CMC2: variants seen among roughly 807,000 people sequenced by gnomAD.
The protein encoded by CMC2 is C-X9-C motif containing 2, also known as COX assembly mitochondrial protein 2 homolog.
A neutral mutation model predicts 7.5 loss-of-function variants in CMC2; 5 were observed. That is an observed-to-expected ratio of 0.66 (90% confidence interval 0.35 to 1.40). CMC2 has a LOEUF of 1.40. CMC2 is among the 40% of genes most tolerant of loss of function. The pLI is 0.04. For missense variants in CMC2, 115 were observed against 92.3 expected, an observed-to-expected ratio of 1.25 and a Z score of -1.01; for synonymous variants, 37 against 31.4, an observed-to-expected ratio of 1.18 and a Z score of -0.60.
rs1322385859 is a variant in CMC2, at chr16:80,966,798, C to G, written c.*9295G>C. 6.6e-6 allele frequency: 1 copy of G among 152,044 alleles called. No individual in the cohort carries two copies. Among genetic ancestry groups the G allele is most frequent in the Admixed American group, 6.6e-5 (1 of 15,252 alleles). 9.4% of individuals were successfully genotyped at this position (152,044 alleles called of 1,614,324 possible). A position where few individuals can be genotyped will look rare whatever the true frequency, so the allele number is the denominator to read the frequency against. On this transcript the variant is annotated 3_prime_UTR_variant, in exon 4 of 4. Coordinates refer to ENST00000219400, the MANE Select transcript of CMC2 (RefSeq NM_020188.5). ...TCAAGTTTTAGGAATTTCTTCTTTT[C>G]TTTATATAATCACCATATAGTCATA... is the stretch of plus-strand genomic sequence containing the variant.
At position 80,971,350 on chromosome 16, in the gene CMC2, T is replaced by TA. The variant is rs1170638868; in HGVS notation, c.*4742dup. On this transcript the variant is annotated 3_prime_UTR_variant, in exon 4 of 4. Transcript: ENST00000219400. ...AAGACTGGATATCTAAGTGACCATCTACGGGGAAATACATAAACCGTGGTA... is the reference window on the plus strand; with the variant it reads ...AAGACTGGATATCTAAGTGACCATCTAACGGGGAAATACATAAACCGTGGTA... The TA allele has an allele frequency of 5.3e-5, 8 of 151,836 alleles. No individual in the cohort carries two copies. The highest frequency in any genetic ancestry group is 2.0e-4 in the Admixed American group (3 of 15,232). The allele number at this position is 151,836 out of a possible 1,614,324, so 9.4% of individuals were successfully genotyped here.
chr16:80,980,277 G>A (rs143388380), intron 3 of CMC2, among the ~76,000 whole-genome samples: 78 of 150,066 alleles, frequency 5.2e-4, no homozygotes, highest in African/African-American at 1.9e-3. Flanking sequence ...TCATATAAAG[G>A]ACAAACATTT....
rs901628590 is a variant in CMC2, at chr16:81,006,884, T to C, written c.-186A>G. The C allele has an allele frequency of 3.0e-6, 3 of 985,552 alleles. No homozygotes were observed. Among genetic ancestry groups the C allele is most frequent in the Non-Finnish European group, 3.6e-6 (3 of 830,052 alleles). The allele number at this position is 985,552 out of a possible 1,614,324, so 61.1% of individuals were successfully genotyped here. A position where few individuals can be genotyped will look rare whatever the true frequency, so the allele number is the denominator to read the frequency against. The stretch of plus-strand genomic sequence containing the variant: ...TCCACCGCTCCACCGTGCTCCCGGC[T>C]CCTCGCCCCCGCCGCCCGCGGGCCC... On this transcript the variant is annotated 5_prime_UTR_variant, in exon 1 of 4. Transcript: ENST00000219400.
At chr16:81,000,856 A>C (rs913878513) in intron 1 of CMC2, among the ~76,000 whole-genome samples, 1 of 152,256 alleles carries the variant, frequency 6.6e-6, no homozygotes, top group Non-Finnish European at 1.5e-5. Flanking sequence ...ATATAGCCAA[A>C]AGAAAATAAA....
chr16:81,004,042 G>C (rs1418987959), intron 1 of CMC2, among the ~76,000 whole-genome samples: 1 of 152,180 alleles, frequency 6.6e-6, no homozygotes, highest in East Asian at 1.9e-4. Flanking sequence ...AGCCAACATG[G>C]TGAAACCCAG....
intron 2 of CMC2, chr16:80,984,014 T>C: frequency 6.5e-6 from 1 of 153,716 alleles, no homozygotes; most frequent in Non-Finnish European, 1.4e-5. Context: ...CCACTATCAT[T>C]AGATGCCCTA....
intron 3 of CMC2, chr16:80,978,440 G>C (rs768683455): frequency 1.7e-6 from 2 of 1,198,320 alleles, no homozygotes; most frequent in African/African-American, 1.6e-5. Context: ...AGAAAAGGAT[G>C]AATATGAAGT....
At chr16:80,991,696 A>G (rs1968006326) in intron 2 of CMC2, 1 of 227,418 alleles carries the variant, frequency 4.4e-6, no homozygotes, top group Non-Finnish European at 8.9e-6. Flanking sequence ...GATCAACGTC[A>G]ACATTAACAG....
Position 80,978,428 on chromosome 16 carries a change from G to T in CMC2, c.154-2249C>A, listed in dbSNP as rs74028885. On this transcript the variant is annotated intron_variant, in intron 3 of 3. Coordinates refer to ENST00000219400, the MANE Select transcript of CMC2 (RefSeq NM_020188.5). ...GTCCAGATGGTCCCTGAATAAAAGG[G>T]GAGAAAAGGATGAATATGAAGTTAC... The T allele has an allele frequency of 6.9e-3, 8,573 of 1,234,916 alleles. 367 individuals carry two copies. The African/African-American group carries it at 0.1, about 15-fold the overall frequency. The allele number at this position is 1,234,916 out of a possible 1,614,324, so 76.5% of individuals were successfully genotyped here.
Position 80,974,979 on chromosome 16 carries a change from T to C in CMC2, c.*1114A>G, listed in dbSNP as rs1056966354. 6 of 152,230 alleles carry C rather than the reference T, an allele frequency of 3.9e-5. No individual in the cohort carries two copies. The highest frequency in any genetic ancestry group is 1.4e-4 in the African/African-American group (6 of 41,464). 9.4% of individuals were successfully genotyped at this position (152,230 alleles called of 1,614,324 possible). On this transcript the variant is annotated 3_prime_UTR_variant, in exon 4 of 4. Coordinates refer to ENST00000219400, the MANE Select transcript of CMC2 (RefSeq NM_020188.5). ...CACCAACAAGGCCTCATGCTGGATA[T>C]TATACACAGAACTCCACTAGAAGGA... is the stretch of plus-strand genomic sequence containing the variant.
intron 1 of CMC2, among the ~76,000 whole-genome samples, chr16:81,002,972 C>T (rs1183620139): frequency 2.0e-5 from 3 of 152,214 alleles, no homozygotes; most frequent in African/African-American, 7.2e-5. Context: ...AGATTCCTTG[C>T]TTTCCCCATC....
chr16:80,978,178 A>G (rs1179338443), intron 3 of CMC2: 2 of 731,838 alleles, frequency 2.7e-6, no homozygotes, highest in Non-Finnish European at 3.4e-6. Context: ...TGGGGAAAAA[A>G]TCAATAAAAC....
At chr16:80,985,793 T>A (rs1326480317) in intron 2 of CMC2, among the ~76,000 whole-genome samples, 1 of 148,184 alleles carries the variant, frequency 6.7e-6, no homozygotes, top group Non-Finnish European at 1.5e-5. Flanking sequence ...TGAAGGATGA[T>A]AAGACCTGGT....
rs750436494 is a variant in CMC2 at position 80,968,329 on chromosome 16, CG to C, written c.*7763del. On this transcript the variant is annotated 3_prime_UTR_variant, in exon 4 of 4. Transcript: ENST00000219400. Reference sequence around the variant, plus strand: ...CAAGCAATTCTCCCACCTCGGCCTTCGAAAGTACTGGGATTACAGGCGCAAG... The same window carrying C: ...CAAGCAATTCTCCCACCTCGGCCTTCAAAGTACTGGGATTACAGGCGCAAG... 7 of 152,238 alleles carry C rather than the reference CG, an allele frequency of 4.6e-5. No individual in the cohort carries two copies. Among genetic ancestry groups the C allele is most frequent in the Non-Finnish European group, 8.8e-5 (6 of 68,096 alleles). The allele number at this position is 152,238 out of a possible 1,614,324, so 9.4% of individuals were successfully genotyped here. A position where few individuals can be genotyped will look rare whatever the true frequency, so the allele number is the denominator to read the frequency against.
At chr16:80,993,395 G>A (rs150898657) in intron 2 of CMC2, among the ~76,000 whole-genome samples, 13 of 152,160 alleles carry the variant, frequency 8.5e-5, no homozygotes, top group African/African-American at 3.1e-4. Flanking sequence ...AAACGTCAGA[G>A]GAATTCGGGC....
intron 2 of CMC2, among the ~76,000 whole-genome samples, chr16:80,985,394 A>AC (rs1167248238): frequency 2.6e-5 from 4 of 152,224 alleles, no homozygotes; most frequent in Admixed American, 6.5e-5. Context: ...ATTAATTCAG[A>AC]CATTTAAAAA....
At chr16:80,999,285 G>C (rs1272740585) in intron 1 of CMC2, among the ~76,000 whole-genome samples, 2 of 152,044 alleles carry the variant, frequency 1.3e-5, no homozygotes, top group South Asian at 2.1e-4. Flanking sequence ...CAACCTGAAA[G>C]CCAAATCAAG....
Position 80,969,951 on chromosome 16 carries a change from G to C in CMC2, c.*6142C>G, listed in dbSNP as rs1175519662. ...ATGAGAACTTCCTTAGGAATCTGCT[G>C]GAAAATGAGGCTCAGACAACCAAAA... On this transcript the variant is annotated 3_prime_UTR_variant, in exon 4 of 4. Coordinates refer to ENST00000219400, the MANE Select transcript of CMC2 (RefSeq NM_020188.5). 6.6e-6 allele frequency: 1 copy of C among 152,116 alleles called. No homozygotes were observed. The highest frequency in any genetic ancestry group is 2.4e-5 in the African/African-American group (1 of 41,404). The allele number at this position is 152,116 out of a possible 1,614,324, so 9.4% of individuals were successfully genotyped here.
At chr16:80,993,395 G>T (rs150898657) in intron 2 of CMC2, among the ~76,000 whole-genome samples, 1 of 152,278 alleles carries the variant, frequency 6.6e-6, no homozygotes, top group African/African-American at 2.4e-5. Context: ...AAACGTCAGA[G>T]GAATTCGGGC....
Sources: allele counts gnomAD v4.1 joint callset (sites outside exome capture counted in the v4.1 genomes callset), GRCh38; gene constraint gnomAD v4.1.1; transcripts MANE v1.5; gene names NCBI Gene and HGNC (gene_info 2026-07-23, HGNC 2026-07-21).